Variants in DYRK4 observed in about 807,000 individuals in gnomAD.
The protein encoded by DYRK4 is dual specificity tyrosine-phosphorylation-regulated kinase 4.
In DYRK4, 64 loss-of-function variants were observed where a neutral mutation model predicts 68.3. The observed-to-expected ratio is 0.94, with a 90% confidence interval of 0.77 to 1.15. DYRK4 has a LOEUF of 1.15. Among genes scored for constraint, DYRK4 ranks in the 50% most tolerant of loss-of-function variants. DYRK4 has a pLI of 0.00. For missense variants in DYRK4, 740 were observed against 764.7 expected (o/e 0.97, Z 0.38); for synonymous variants, 274 against 289.9 (o/e 0.95, Z 0.56).
intron 1 of DYRK4, among the ~76,000 whole-genome samples, chr12:4,562,764 C>A (rs61909598): frequency 0.092 from 13,979 of 152,318 alleles, 931 homozygotes; most frequent in Admixed American, 0.22. Flanking sequence ...AGCCCATATG[C>A]CCGGGCACCT....
In DYRK4 at chr12:4,596,680, G is replaced by A. The variant is rs755664062; in HGVS notation, c.856G>A (p.Asp286Asn). 2.0e-5 allele frequency: 33 copies of A among 1,614,062 alleles called. No individual in the cohort carries two copies. The highest frequency in any genetic ancestry group is 2.0e-4 in the South Asian group (18 of 91,074). Residue 286 changes from aspartate (D) to asparagine (N), a missense_variant, in exon 8 of 15, where the codon GAC (aspartate) becomes AAC (asparagine). By Grantham distance (23) the Asp-to-Asn change is conservative. Around this residue, in one of 3 missense-constraint regions of DYRK4, gnomAD observed 614 missense variants for 603.7 expected, o/e 1.02. Transcript: ENST00000543431. ...CACCTACAATGTGGTGCATATGAAG[G>A]ACTTTTTCTACTTTCGCAATCACTT... ...DNTYNVVHMK[D>N]FFYFRNHFCI...
intron 1 of DYRK4, chr12:4,563,230 T>C (rs1265098676): frequency 6.9e-6 from 3 of 432,996 alleles, no homozygotes; most frequent in Admixed American, 2.5e-5. Context: ...CTCTACCTTA[T>C]TGTTTCTGTT....
intron 10 of DYRK4, chr12:4,602,311 T>A: frequency 1.1e-6 from 1 of 928,162 alleles, no homozygotes; most frequent in Admixed American, 1.8e-5. Context: ...CTTTTTTTCT[T>A]CCTCTTCTTC....
rs775554326 is a variant in DYRK4, at chr12:4,591,163, A to T, written c.328A>T (p.Asn110Tyr). 2.5e-6 allele frequency: 4 copies of T among 1,613,958 alleles called. No individual in the cohort carries two copies. In the Admixed American group the frequency reaches 6.7e-5, roughly 27 times the overall value. The change falls in exon 5 of 15, where the codon AAT (asparagine) becomes TAT (tyrosine). Residue 110 changes from asparagine to tyrosine, a missense_variant. Around this residue, in one of 3 missense-constraint regions of DYRK4, gnomAD observed 56 missense variants for 89.9 expected, o/e 0.62. Coordinates refer to ENST00000543431, the MANE Select transcript of DYRK4 (RefSeq NM_001394779.1). The surrounding 1 kb of genome is among the most constrained non-coding windows in gnomAD (Gnocchi z 4.1). The part of the protein sequence containing the change: ...LLKSSLLYQE[N>Y]QAHNQMPASE... ...GCAAACCTCTTTTCCTGGACAGGAG[A>T]ATCAAGCTCACAATCAGATGCCGGC...
At chr12:4,584,712 C>T (rs1391011291) in intron 2 of DYRK4, among the ~76,000 whole-genome samples, 18 of 152,048 alleles carry the variant, frequency 1.2e-4, no homozygotes, top group Admixed American at 5.2e-4. Flanking sequence ...CCCACCACCA[C>T]GCCCGGCTAA....
chr12:4,594,724 T>A lies in DYRK4; in HGVS notation c.628-1425T>A, dbSNP rs1591799964. 2.7e-5 allele frequency among the ~76,000 whole-genome samples: 4 copies of A among 145,878 alleles called. No homozygotes were observed. The South Asian group carries it at 9.0e-4, about 33-fold the overall frequency. On this transcript the variant is annotated intron_variant, in intron 6 of 14. Transcript: ENST00000543431. The stretch of plus-strand genomic sequence containing the variant: ...TTAGAAAAGCCTTTTTTTTTTTTGG[T>A]GAGGGCGTTGTGGGGAAGAAAGGGA...
At chr12:4,581,096 G>A (rs1944837630) in intron 2 of DYRK4, 1 of 291,484 alleles carries the variant, frequency 3.4e-6, no homozygotes, top group Non-Finnish European at 6.8e-6. Context: ...GGTGTGAGAG[G>A]GCAGGACATA....
chr12:4,574,526 A>G (rs549097193), intron 2 of DYRK4, among the ~76,000 whole-genome samples: 12 of 152,244 alleles, frequency 7.9e-5, no homozygotes, highest in Admixed American at 3.9e-4. Flanking sequence ...ACTGGGATTG[A>G]TTAGGCCTCT....
At chr12:4,610,400 C>A in intron 13 of DYRK4, 116 bp downstream of exon 13, 1 of 1,100,280 alleles carries the variant, frequency 9.1e-7, no homozygotes, top group Non-Finnish European at 1.3e-6. Context: ...ACAAGAAATG[C>A]TAACAATAGA....
chr12:4,565,602 A>G (rs984434620), intron 1 of DYRK4, among the ~76,000 whole-genome samples: 4 of 150,452 alleles, frequency 2.7e-5, no homozygotes, highest in African/African-American at 7.3e-5. Context: ...AAAGGGCTCC[A>G]GCTGTTTGGA....
At chr12:4,596,497 G>T (rs1162748040) in intron 7 of DYRK4, 92 bp from the exon 8 acceptor site, 1 of 1,532,494 alleles carries the variant, frequency 6.5e-7, no homozygotes, top group Admixed American at 2.1e-5. Context: ...TCTTGTTGGG[G>T]TCATGGGGAG....
In DYRK4 at chr12:4,612,664, C is replaced by G; in HGVS notation, c.1612C>G (p.Pro538Ala). Residue 538 changes from proline to alanine, a missense_variant, in exon 14 of 15, where the codon CCC (proline) becomes GCC (alanine). This residue lies in a region of DYRK4 where 614 missense variants were observed against 603.7 expected (regional missense o/e 1.02). Transcript: ENST00000543431. ...QTLRKSNSFF[P>A]SETRKDKVQG... The stretch of plus-strand genomic sequence containing the variant: ...CCTGAGGAAATCCAATTCCTTTTTC[C>G]CCTCTGAGACAAGGAAGGACAAGGT... 1 of 1,614,120 alleles carries G rather than the reference C, an allele frequency of 6.2e-7. No homozygotes were observed. The highest frequency in any genetic ancestry group is 1.1e-5 in the South Asian group (1 of 91,076).
At chr12:4,594,676 A>T (rs1373940301) in intron 6 of DYRK4, among the ~76,000 whole-genome samples, 1 of 149,060 alleles carries the variant, frequency 6.7e-6, no homozygotes, top group Non-Finnish European at 1.5e-5. Flanking sequence ...ATTCATTGGA[A>T]CTCAGTTCTT....
At chr12:4,595,285 CACAA>C (rs1418217703) in intron 6 of DYRK4, among the ~76,000 whole-genome samples, 1 of 152,180 alleles carries the variant, frequency 6.6e-6, no homozygotes, top group Admixed American at 6.5e-5. Flanking sequence ...AGGACTTGTG[CACAA>C]ACACTTAATC....
chr12:4,567,036 AT>A (rs1159682385), intron 1 of DYRK4, among the ~76,000 whole-genome samples: 1 of 152,248 alleles, frequency 6.6e-6, no homozygotes, highest in African/African-American at 2.4e-5. Flanking sequence ...AAATGGCTGC[AT>A]TATATTTCAT....
chr12:4,577,984 T>C (rs1437070697), intron 2 of DYRK4, among the ~76,000 whole-genome samples: 1 of 152,242 alleles, frequency 6.6e-6, no homozygotes, highest in Non-Finnish European at 1.5e-5. Context: ...ATGTCTTTTA[T>C]CCTGCAGCTT....
intron 8 of DYRK4, chr12:4,596,980 T>C: frequency 3.0e-6 from 4 of 1,336,464 alleles, no homozygotes; most frequent in Non-Finnish European, 3.8e-6. Context: ...CCAGGTGACA[T>C]GACCAAAACA....
intron 11 of DYRK4, among the ~76,000 whole-genome samples, chr12:4,606,437 G>A (rs772726011): frequency 2.6e-5 from 4 of 152,112 alleles, no homozygotes; most frequent in Non-Finnish European, 5.9e-5. Context: ...TTCATTTCAT[G>A]ATCGAAACTA....
chr12:4,608,021 G>A (rs934216550), intron 12 of DYRK4, among the ~76,000 whole-genome samples: 11 of 152,062 alleles, frequency 7.2e-5, no homozygotes, highest in African/African-American at 2.4e-4. Context: ...ATGATCCTCC[G>A]CCTTTCTATT....
Sources: gnomAD v4.1 joint callset for allele counts (sites outside exome capture counted in the v4.1 genomes callset) on GRCh38, gnomAD v4.1.1 for gene constraint, gnomAD v4.1.1 regional missense constraint, Gnocchi (gnomAD v3.1) non-coding constraint, MANE v1.5 for transcripts, NCBI Gene and HGNC (gene_info 2026-07-23, HGNC 2026-07-21) for gene names.